Variants in CCDC192 observed in about 807,000 individuals in gnomAD.
CCDC192 encodes the protein coiled-coil domain containing 192, also known as coiled-coil domain-containing protein 192.
At chr5:127,822,910 G>C (rs530462240) in intron 5 of CCDC192, among the ~76,000 whole-genome samples, 1 of 152,328 alleles carries the variant, frequency 6.6e-6, no homozygotes, top group South Asian at 2.1e-4. Flanking sequence ...GACCATGTCT[G>C]CCTTGTAGGC....
In CCDC192 at chr5:127,757,786, ACACACACACACACTCT is replaced by A. The variant is rs1165187338; in HGVS notation, c.222+3413_222+3428del. On this transcript the variant is annotated intron_variant, in intron 3 of 6. Coordinates refer to ENST00000514853, the MANE Select transcript of CCDC192 (RefSeq NM_001317938.2). ...AAGGATTACACACACACACACACAC[ACACACACACACACTCT>A]CTCTCTCTCTCTCTCTCAATCTGTG... Among the ~76,000 whole-genome samples the A allele has an allele frequency of 9.4e-5, 9 of 95,688 alleles. No individual in the cohort carries two copies. The Admixed American group carries it at 9.6e-4, about 10-fold the overall frequency. 62.8% of individuals were successfully genotyped at this position (95,688 alleles called of 152,430 possible).
intron 6 of CCDC192, among the ~76,000 whole-genome samples, chr5:127,932,218 T>G (rs1754053230): frequency 6.6e-6 from 1 of 151,992 alleles, no homozygotes; most frequent in Admixed American, 6.5e-5. Flanking sequence ...GTTGTGGGTT[T>G]TTTGAGACAA....
intron 5 of CCDC192, among the ~76,000 whole-genome samples, chr5:127,843,892 G>C (rs2127069487): frequency 6.6e-6 from 1 of 152,344 alleles, no homozygotes; most frequent in South Asian, 2.1e-4. Context: ...AGGGAAAAAA[G>C]TAGCTTAAAC....
chr5:127,827,031 A>C (rs1749563133), intron 5 of CCDC192, among the ~76,000 whole-genome samples: 1 of 152,212 alleles, frequency 6.6e-6, no homozygotes, highest in Non-Finnish European at 1.5e-5. Context: ...AAAATATGAC[A>C]AATGAAGATA....
chr5:127,846,730 A>G (rs529852023), intron 5 of CCDC192, among the ~76,000 whole-genome samples: 1 of 150,172 alleles, frequency 6.7e-6, no homozygotes, highest in South Asian at 2.1e-4. Flanking sequence ...TCAGCCTCCA[A>G]AACTGCTGGG....
intron 2 of CCDC192, among the ~76,000 whole-genome samples, chr5:127,720,783 AT>A (rs1657487608): frequency 6.6e-6 from 1 of 152,196 alleles, no homozygotes; most frequent in Non-Finnish European, 1.5e-5. Context: ...TTAACACCAC[AT>A]GGAAGCCTCC....
chr5:127,898,315 G>T (rs1003846776), intron 6 of CCDC192, among the ~76,000 whole-genome samples: 2 of 152,022 alleles, frequency 1.3e-5, no homozygotes, highest in Non-Finnish European at 2.9e-5. Context: ...CACCATGTTG[G>T]CCAGGCTGGT....
At chr5:127,705,424 G>T (rs377623617) in intron 1 of CCDC192, among the ~76,000 whole-genome samples, 31 of 152,082 alleles carry the variant, frequency 2.0e-4, no homozygotes, top group African/African-American at 6.8e-4. Context: ...CACGTATTTT[G>T]TTTTGTTTGG....
intron 3 of CCDC192, chr5:127,787,126 C>A: frequency 4.3e-6 from 1 of 232,770 alleles, no homozygotes; most frequent in Non-Finnish European, 8.9e-6. Context: ...ATATGCAGTA[C>A]CATTCCAAAT....
At chr5:127,771,791 T>G (rs1755566747) in intron 3 of CCDC192, among the ~76,000 whole-genome samples, 1 of 152,160 alleles carries the variant, frequency 6.6e-6, no homozygotes, top group Non-Finnish European at 1.5e-5. Flanking sequence ...AAAGATAGGG[T>G]CCTTGTCCAA....
At chr5:127,921,087 A>AGAAAGGAAAGGAAAGGAAAGGAAAG (rs141415438) in intron 6 of CCDC192, among the ~76,000 whole-genome samples, 12 of 131,782 alleles carry the variant, frequency 9.1e-5, no homozygotes, top group African/African-American at 3.3e-4. Context: ...GGAAAGGAAA[A>AGAAAGGAAAGGAAAGGAAAGGAAAG]GAAAGGAAAG....
At chr5:127,843,029 G>GTTTTTTT (rs11428874) in intron 5 of CCDC192, among the ~76,000 whole-genome samples, 73 of 91,726 alleles carry the variant, frequency 8.0e-4, no homozygotes, top group East Asian at 1.4e-3. Context: ...TTTTAGTCAA[G>GTTTTTTT]TTTTTTTTTT....
At chr5:127,752,000 C>G (rs915219036) in intron 2 of CCDC192, among the ~76,000 whole-genome samples, 34 of 152,024 alleles carry the variant, frequency 2.2e-4, no homozygotes, top group Admixed American at 4.6e-4. Context: ...ATTGGTTATT[C>G]TAGTTATACA....
chr5:127,927,590 G>A (rs760429067), intron 6 of CCDC192, among the ~76,000 whole-genome samples: 2 of 152,182 alleles, frequency 1.3e-5, no homozygotes, highest in African/African-American at 2.4e-5. Context: ...ATTTAAAATG[G>A]TAGCAATTAA....
At chr5:127,934,247 T>G (rs1754130151) in intron 6 of CCDC192, among the ~76,000 whole-genome samples, 2 of 152,234 alleles carry the variant, frequency 1.3e-5, no homozygotes, top group Non-Finnish European at 2.9e-5. Context: ...GGTTTGGGCC[T>G]GTTGCTAGGT....
chr5:127,751,628 G>A (rs894093314), intron 2 of CCDC192, among the ~76,000 whole-genome samples: 31 of 152,152 alleles, frequency 2.0e-4, no homozygotes, highest in African/African-American at 6.3e-4. Flanking sequence ...TCTTTGTGGC[G>A]TTCTCTATAT....
intron 1 of CCDC192, among the ~76,000 whole-genome samples, chr5:127,703,709 T>G (rs193075330): frequency 6.6e-6 from 1 of 152,314 alleles, no homozygotes; most frequent in Non-Finnish European, 1.5e-5. Context: ...TGACACACAG[T>G]AGGGGTTCAA....
chr5:127,854,450 C>T (rs1332846582), intron 5 of CCDC192, among the ~76,000 whole-genome samples: 2 of 152,134 alleles, frequency 1.3e-5, no homozygotes, highest in Non-Finnish European at 2.9e-5. Flanking sequence ...TATAATTTCT[C>T]TATTTTATTA....
chr5:127,741,909 C>G (rs970511520), intron 2 of CCDC192, among the ~76,000 whole-genome samples: 4 of 152,144 alleles, frequency 2.6e-5, no homozygotes, highest in African/African-American at 9.7e-5. Flanking sequence ...GAGGAAGGAA[C>G]AAAGCCCTAA....
Sources: allele counts gnomAD v4.1 joint callset (sites outside exome capture counted in the v4.1 genomes callset), GRCh38; gene constraint gnomAD v4.1.1; transcripts MANE v1.5; gene names NCBI Gene and HGNC (gene_info 2026-07-23, HGNC 2026-07-21).